The following RPS6KA5 variants were observed in gnomAD, a reference collection of about 807,000 sequenced individuals.
The protein encoded by RPS6KA5 is ribosomal protein S6 kinase A5, also known as ribosomal protein S6 kinase alpha-5.
Under a neutral mutation model 85.5 loss-of-function variants are expected in RPS6KA5, and 27 were observed. The ratio of observed to expected loss-of-function variants is 0.32; its 90% CI spans 0.23 to 0.44. The LOEUF (loss-of-function observed/expected upper bound fraction) is 0.44. Among genes scored for constraint, RPS6KA5 ranks in the 20% least tolerant of loss-of-function variants. The probability of loss-of-function intolerance (pLI) is 1.00; values close to 1 mark genes in which losing one functional copy is unlikely to be tolerated. For synonymous variants in RPS6KA5, 334 were observed against 348.2 expected (o/e 0.96, Z 0.46); for missense variants, 811 against 980.9 (o/e 0.83, Z 2.31).
intron 2 of RPS6KA5, among the ~76,000 whole-genome samples, chr14:90,992,647 T>C (rs187208733): frequency 1.5e-3 from 230 of 152,348 alleles, no homozygotes; most frequent in South Asian, 4.8e-3. Flanking sequence ...TTGGAGGAAA[T>C]AATCCCCCTT....
At chr14:90,960,712 A>C (rs916418902) in intron 3 of RPS6KA5, among the ~76,000 whole-genome samples, 8 of 152,232 alleles carry the variant, frequency 5.3e-5, no homozygotes, top group Non-Finnish European at 1.2e-4. Flanking sequence ...ACCCTGAATA[A>C]CTTTTCTGCC....
At chr14:90,975,484 G>A (rs184006527) in intron 3 of RPS6KA5, among the ~76,000 whole-genome samples, 97 of 152,238 alleles carry the variant, frequency 6.4e-4, no homozygotes, top group African/African-American at 2.0e-3. Flanking sequence ...AGAAATTTGG[G>A]CACAAAAAGA....
chr14:90,939,564 C>A (rs1365151327), intron 5 of RPS6KA5, among the ~76,000 whole-genome samples: 2 of 152,162 alleles, frequency 1.3e-5, no homozygotes, highest in Non-Finnish European at 2.9e-5. Context: ...GGAGGTCTCA[C>A]AATCATGGTG....
At position 90,885,823 on chromosome 14, in the gene RPS6KA5, C is replaced by G. The variant is rs538706986; in HGVS notation, c.1836+4664G>C. 8.0e-5 allele frequency among the ~76,000 whole-genome samples: 11 copies of G among 137,138 alleles called. No homozygotes were observed. The South Asian group carries it at 2.1e-3, about 27-fold the overall frequency. 90.0% of individuals were successfully genotyped at this position (137,138 alleles called of 152,430 possible). On this transcript the variant is annotated intron_variant, in intron 14 of 16. Coordinates refer to ENST00000614987, the MANE Select transcript of RPS6KA5 (RefSeq NM_004755.4). ...TTTATAAATAAAGTTTTCTTGTTTT[C>G]TGGCATGTAATAATGCAACAGGTTG...
intron 5 of RPS6KA5, among the ~76,000 whole-genome samples, chr14:90,934,462 A>G (rs1326257297): frequency 1.3e-5 from 2 of 152,170 alleles, no homozygotes; most frequent in African/African-American, 4.8e-5. Context: ...CATAGTTCTG[A>G]ATCATTTTCC....
chr14:91,025,534 T>C (rs1221934375), intron 1 of RPS6KA5, among the ~76,000 whole-genome samples: 1 of 152,218 alleles, frequency 6.6e-6, no homozygotes, highest in African/African-American at 2.4e-5. Flanking sequence ...TTCAGCTTGT[T>C]AATATTATTT....
intron 5 of RPS6KA5, among the ~76,000 whole-genome samples, chr14:90,926,390 C>CAA (rs749386215): frequency 1.2e-4 from 9 of 74,936 alleles, no homozygotes; most frequent in South Asian, 1.1e-3. Context: ...GACTCTGTCT[C>CAA]AAAAAAAAAA....
At chr14:90,983,205 A>G (rs546573218) in intron 2 of RPS6KA5, among the ~76,000 whole-genome samples, 1 of 150,800 alleles carries the variant, frequency 6.6e-6, no homozygotes, top group Admixed American at 6.6e-5. Context: ...TTAACCCAGG[A>G]GGCAAAGGTT....
intron 9 of RPS6KA5, 22 bp downstream of exon 9, chr14:90,902,786 T>C (rs768725129): frequency 1.9e-6 from 3 of 1,607,528 alleles, no homozygotes; most frequent in Non-Finnish European, 2.6e-6. Flanking sequence ...CCAATGTGCA[T>C]GTGCACAGGA....
chr14:90,951,118 CAAAAAAAAAA>C (rs57389099), intron 3 of RPS6KA5, among the ~76,000 whole-genome samples: 1 of 84,570 alleles, frequency 1.2e-5, no homozygotes, highest in Non-Finnish European at 2.2e-5. Context: ...GACTCAGTCT[CAAAAAAAAAA>C]AAAAAAAAGA....
intron 3 of RPS6KA5, among the ~76,000 whole-genome samples, chr14:90,955,344 T>C (rs1006814685): frequency 1.3e-5 from 2 of 152,234 alleles, no homozygotes; most frequent in African/African-American, 2.4e-5. Flanking sequence ...CATAGCTTAC[T>C]GCAGCTTCTA....
At chr14:90,957,296 C>T (rs2038574093) in intron 3 of RPS6KA5, among the ~76,000 whole-genome samples, 1 of 152,208 alleles carries the variant, frequency 6.6e-6, no homozygotes, top group African/African-American at 2.4e-5. Context: ...AACTGCTGGC[C>T]TCTCGTGATC....
chr14:90,862,861 T>G lies in RPS6KA5; in HGVS notation c.*9213A>C, dbSNP rs1283512118. 6.7e-6 allele frequency: 1 copy of G among 150,326 alleles called. No individual in the cohort carries two copies. Among genetic ancestry groups the G allele is most frequent in the Non-Finnish European group, 1.5e-5 (1 of 67,820 alleles). 9.3% of individuals were successfully genotyped at this position (150,326 alleles called of 1,614,324 possible). On this transcript the variant is annotated 3_prime_UTR_variant, in exon 17 of 17. Transcript: ENST00000614987. ...GGGCAATACATCATGAAAATGGAAT[T>G]TATTCTATTTTCAGCATTTGAAAAT...
intron 3 of RPS6KA5, among the ~76,000 whole-genome samples, chr14:90,963,115 T>C (rs1228016123): frequency 2.0e-5 from 3 of 152,240 alleles, no homozygotes; most frequent in Admixed American, 1.3e-4. Flanking sequence ...TAGTCTGGAA[T>C]CCATGGTCTT....
At chr14:90,910,839 C>A (rs1295479377) in intron 7 of RPS6KA5, among the ~76,000 whole-genome samples, 1 of 152,012 alleles carries the variant, frequency 6.6e-6, no homozygotes, top group Non-Finnish European at 1.5e-5. Flanking sequence ...GCGCCCTCCA[C>A]CACGCCCGGC....
intron 14 of RPS6KA5, among the ~76,000 whole-genome samples, chr14:90,882,629 C>T (rs2140166028): frequency 6.6e-6 from 1 of 152,230 alleles, no homozygotes; most frequent in African/African-American, 2.4e-5. Flanking sequence ...TCTCCCTCCA[C>T]TTTGAAGGAC....
At chr14:90,907,926 C>T (rs2035600054) in intron 7 of RPS6KA5, among the ~76,000 whole-genome samples, 1 of 152,094 alleles carries the variant, frequency 6.6e-6, no homozygotes, top group Non-Finnish European at 1.5e-5. Context: ...AGGAAAAAAG[C>T]TTTGCATAAA....
At chr14:90,952,356 G>T (rs1041144599) in intron 3 of RPS6KA5, among the ~76,000 whole-genome samples, 6 of 152,200 alleles carry the variant, frequency 3.9e-5, no homozygotes, top group African/African-American at 1.4e-4. Context: ...CTGGATATCG[G>T]TAACTTTACC....
At chr14:90,914,218 C>T (rs550166470) in intron 7 of RPS6KA5, among the ~76,000 whole-genome samples, 12 of 150,726 alleles carry the variant, frequency 8.0e-5, no homozygotes, top group East Asian at 5.9e-4. Context: ...GCCAGGTCTC[C>T]GGTGAGAGAC....
Sources: allele counts gnomAD v4.1 joint callset (sites outside exome capture counted in the v4.1 genomes callset), GRCh38; gene constraint gnomAD v4.1.1; transcripts MANE v1.5; gene names NCBI Gene and HGNC (gene_info 2026-07-23, HGNC 2026-07-21).